PLOD1: variants seen among roughly 807,000 people sequenced by gnomAD.
The protein encoded by PLOD1 is procollagen-lysine,2-oxoglutarate 5-dioxygenase 1.
Under a neutral mutation model 94.7 loss-of-function variants are expected in PLOD1, and 70 were observed. The observed-to-expected ratio is 0.74, with a 90% CI of 0.61 to 0.90. PLOD1 has a LOEUF of 0.90. Ranked by LOEUF, PLOD1 falls within the 40% of genes least tolerant of loss-of-function variation. The pLI is 0.00. For synonymous variants in PLOD1, 417 were observed against 400.2 expected (o/e 1.04, Z -0.50); for missense variants, 905 against 972.7 (o/e 0.93, Z 0.93).
intron 1 of PLOD1, chr1:11,944,484 C>T (rs1488513960): frequency 6.1e-6 from 8 of 1,312,456 alleles, no homozygotes; most frequent in Non-Finnish European, 8.1e-6. Context: ...CTGGCTTTTT[C>T]CATCCATGAA....
At position 11,963,729 on chromosome 1, in the gene PLOD1, C is replaced by A; in HGVS notation, c.1202+93C>A. On this transcript the variant is annotated intron_variant, in intron 11 of 18. Coordinates refer to ENST00000196061, the MANE Select transcript of PLOD1 (RefSeq NM_000302.4). The surrounding 1 kb of genome is among the most constrained non-coding windows in gnomAD (Gnocchi z 4.3). ...TGCCTTCCTCCTCCTCCTCCTCATC[C>A]ACCTCCTCTTCCTCCTCTTTTTCCT... 1.3e-6 allele frequency: 1 copy of A among 757,968 alleles called. No individual in the cohort carries two copies. 47.0% of individuals were successfully genotyped at this position (757,968 alleles called of 1,614,324 possible).
At chr1:11,973,025 G>C in intron 18 of PLOD1, 28 bp downstream of exon 18, 1 of 1,613,240 alleles carries the variant, frequency 6.2e-7, no homozygotes, top group Non-Finnish European at 8.5e-7. Flanking sequence ...GGGGTCAAGG[G>C]GCCGGCAATG....
chr1:11,962,315 C>A (rs1645784213), intron 10 of PLOD1, among the ~76,000 whole-genome samples: 1 of 120,858 alleles, frequency 8.3e-6, no homozygotes, highest in African/African-American at 3.3e-5. Flanking sequence ...CTCGCTCTGT[C>A]ACCCAGGCTG....
intron 16 of PLOD1, among the ~76,000 whole-genome samples, chr1:11,970,257 A>G (rs1032074394): frequency 6.6e-6 from 1 of 152,010 alleles, no homozygotes; most frequent in Non-Finnish European, 1.5e-5. Flanking sequence ...TCACACACAC[A>G]CAAAAATAAA....
chr1:11,963,223 A>G lies in PLOD1; in HGVS notation c.1098-309A>G, dbSNP rs997565938. The stretch of plus-strand genomic sequence containing the variant: ...CTTTTGGTACAAGTTACCAAATTGC[A>G]TTTCAGAAAGGCAGCCCCAGCTTAC... On this transcript the variant is annotated intron_variant, in intron 10 of 18. Transcript: ENST00000196061. This position sits in a 1 kb window ranked among gnomAD's most constrained non-coding sequence, Gnocchi z 4.3. Among the ~76,000 whole-genome samples, 3 of 152,170 alleles carry G rather than the reference A, an allele frequency of 2.0e-5. No individual in the cohort carries two copies. The highest frequency in any genetic ancestry group is 1.9e-4 in the East Asian group (1 of 5,190).
In PLOD1 at chr1:11,958,447, A is replaced by G; in HGVS notation, c.844-69A>G. On this transcript the variant is annotated intron_variant, in intron 8 of 18. Transcript: ENST00000196061. The surrounding 1 kb of genome is among the most constrained non-coding windows in gnomAD (Gnocchi z 4.3). ...ATTCTGGCTCTGACTCCCTTGGGCC[A>G]CCCTGGGGTGGAGTGGCAGTGCTGT... 2 of 1,584,974 alleles carry G rather than the reference A, an allele frequency of 1.3e-6. No individual in the cohort carries two copies. Among genetic ancestry groups the G allele is most frequent in the Non-Finnish European group, 8.6e-7 (1 of 1,161,810 alleles).
In PLOD1 at chr1:11,970,655, C is replaced by G. The variant is rs149408025; in HGVS notation, c.1756-15C>G. ...CCTAGAATTCTGCCTAAACATTCAC[C>G]TCGGTCACCTCCAGGACAACCGCAT... is the stretch of plus-strand genomic sequence containing the variant. On this transcript the variant is annotated splice_polypyrimidine_tract_variant and intron_variant, in intron 16 of 18. Coordinates refer to ENST00000196061, the MANE Select transcript of PLOD1 (RefSeq NM_000302.4). The G allele has an allele frequency of 7.4e-6, 12 of 1,612,852 alleles. No individual in the cohort carries two copies. Among genetic ancestry groups the G allele is most frequent in the Middle Eastern group, 1.6e-4 (1 of 6,062 alleles).
chr1:11,959,260 G>A (rs1257408789), intron 9 of PLOD1, among the ~76,000 whole-genome samples: 5 of 151,690 alleles, frequency 3.3e-5, no homozygotes, highest in Non-Finnish European at 4.4e-5. Context: ...GATAATAATT[G>A]TGCAATCACA....
chr1:11,936,866 A>G (rs1645583100), intron 1 of PLOD1, among the ~76,000 whole-genome samples: 1 of 88,196 alleles, frequency 1.1e-5, no homozygotes, highest in African/African-American at 5.2e-5. Flanking sequence ...TTTTTTTTTG[A>G]GGCAGAGTTT....
chr1:11,945,189 G>T (rs557588587), intron 1 of PLOD1, among the ~76,000 whole-genome samples: 12 of 152,322 alleles, frequency 7.9e-5, no homozygotes, highest in Admixed American at 6.5e-4. Flanking sequence ...GGAGGCCAAG[G>T]TGCGCAGATT....
intron 6 of PLOD1, among the ~76,000 whole-genome samples, chr1:11,956,216 TC>T (rs1035665330): frequency 5.9e-5 from 9 of 152,030 alleles, no homozygotes; most frequent in African/African-American, 2.2e-4. Flanking sequence ...AAACCCCGTC[TC>T]TACTAAAAAT....
chr1:11,968,085 C>T (rs1645834370), intron 16 of PLOD1, among the ~76,000 whole-genome samples: 1 of 151,744 alleles, frequency 6.6e-6, no homozygotes, highest in Admixed American at 6.6e-5. Flanking sequence ...TCTCCAGTAG[C>T]TGGGACTACA....
chr1:11,942,586 G>A (rs2100736551), intron 1 of PLOD1, among the ~76,000 whole-genome samples: 1 of 152,282 alleles, frequency 6.6e-6, no homozygotes, highest in Admixed American at 6.5e-5. Flanking sequence ...TGCAGGCTGG[G>A]TTTACTGAGG....
chr1:11,960,802 T>C (rs1645773343), intron 10 of PLOD1, 35 bp downstream of exon 10: 1 of 1,610,742 alleles, frequency 6.2e-7, no homozygotes, highest in Non-Finnish European at 8.5e-7. Flanking sequence ...CCACTGACAG[T>C]GGGGGCAGGG....
intron 16 of PLOD1, among the ~76,000 whole-genome samples, chr1:11,968,921 G>A (rs764077882): frequency 1.2e-4 from 18 of 148,704 alleles, no homozygotes; most frequent in Admixed American, 2.0e-4. Flanking sequence ...GCAGTGGTGC[G>A]ATCTCGGCTC....
In PLOD1 at chr1:11,964,624, G is replaced by A. The variant is rs78527487; in HGVS notation, c.1329-20G>A. 6,534 of 1,477,440 alleles carry A rather than the reference G, an allele frequency of 4.4e-3. 185 individuals carry two copies. The African/African-American group carries it at 0.081, about 18-fold the overall frequency. The allele number at this position is 1,477,440 out of a possible 1,614,324, so 91.5% of individuals were successfully genotyped here. A position where few individuals can be genotyped will look rare whatever the true frequency, so the allele number is the denominator to read the frequency against. On this transcript the variant is annotated intron_variant, in intron 12 of 18. Coordinates refer to ENST00000196061, the MANE Select transcript of PLOD1 (RefSeq NM_000302.4). ...CACCACCAGCCTCTGACCCCCACCC[G>A]CTTTCTGTCTCTCCCACAGTGGTGT...
intron 15 of PLOD1, 70 bp from the exon 16 acceptor site, chr1:11,966,917 G>C: frequency 1.0e-6 from 1 of 966,794 alleles, no homozygotes; most frequent in East Asian, 2.4e-5. Flanking sequence ...TGGGTGTGTG[G>C]CCCTGAAGAG....
At position 11,964,784 on chromosome 1, in the gene PLOD1, A is replaced by G. The variant is rs1156431423; in HGVS notation, c.1469A>G (p.Gln490Arg). 1.9e-6 allele frequency: 3 copies of G among 1,613,454 alleles called. No individual in the cohort carries two copies. Among genetic ancestry groups the G allele is most frequent in the Non-Finnish European group, 2.5e-6 (3 of 1,180,040 alleles). Residue 490 changes from glutamine (Q) to arginine (R), a missense_variant and splice_region_variant, in exon 13 of 19, where the codon CAG (glutamine) becomes CGG (arginine). Transcript: ENST00000196061. ...DMAFCANIRQ[Q>R]DVFMFLTNRH... ...GCCTTCTGTGCCAACATCCGGCAGCAGGTCAGCCAGGAGCGGGCAGCACAG... is the reference window on the plus strand; with the variant it reads ...GCCTTCTGTGCCAACATCCGGCAGCGGGTCAGCCAGGAGCGGGCAGCACAG...
chr1:11,961,876 C>T (rs919409932), intron 10 of PLOD1, among the ~76,000 whole-genome samples: 2 of 152,182 alleles, frequency 1.3e-5, no homozygotes, highest in African/African-American at 4.8e-5. Flanking sequence ...GCAACCTCCC[C>T]GTCCCAGGTT....
Sources: allele counts gnomAD v4.1 joint callset (sites outside exome capture counted in the v4.1 genomes callset), GRCh38; gene constraint gnomAD v4.1.1; non-coding constraint Gnocchi (gnomAD v3.1); transcripts MANE v1.5; gene names NCBI Gene and HGNC (gene_info 2026-07-23, HGNC 2026-07-21).